BAIAP2L2: variants seen among roughly 807,000 people sequenced by gnomAD.
BAIAP2L2 encodes BAR/IMD domain-containing adapter protein 2-like 2.
In BAIAP2L2, 65 loss-of-function variants were observed where a neutral mutation model predicts 60.4. The ratio of observed to expected loss-of-function variants is 1.08; its 90% CI spans 0.88 to 1.32. The LOEUF (loss-of-function observed/expected upper bound fraction) is 1.32. Ranked by LOEUF, BAIAP2L2 falls within the 40% of genes most tolerant of loss-of-function variation. BAIAP2L2 has a pLI of 0.00. For synonymous variants in BAIAP2L2, 344 were observed against 301.7 expected (o/e 1.14, Z -1.45); for missense variants, 836 against 741.2 (o/e 1.13, Z -1.48).
intron 4 of BAIAP2L2, among the ~76,000 whole-genome samples, chr22:38,105,378 C>T (rs1479414921): frequency 6.9e-6 from 1 of 145,386 alleles, no homozygotes; most frequent in African/African-American, 2.6e-5. Context: ...GTCTCACCGT[C>T]ACCCAGGCTG....
chr22:38,110,557 T>C lies in BAIAP2L2; in HGVS notation c.-32A>G, dbSNP rs150863707. 4.0e-4 allele frequency: 638 copies of C among 1,581,916 alleles called. 2 individuals are homozygous for C. In the African/African-American group the frequency reaches 7.2e-3, roughly 18 times the overall value. ...GCTGTCCCGGGTCTGAGCAGGAGGC[T>C]GGGAGCTGGTGGCGATGGCACAGCC... On this transcript the variant is annotated 5_prime_UTR_variant, in exon 1 of 14. Transcript: ENST00000381669.
chr22:38,104,629 G>C (rs946582095), intron 4 of BAIAP2L2, among the ~76,000 whole-genome samples: 1 of 151,638 alleles, frequency 6.6e-6, no homozygotes, highest in African/African-American at 2.4e-5. Context: ...CCGAGTAGCT[G>C]GGACTACAGG....
chr22:38,090,659 C>T (rs2086276480), intron 7 of BAIAP2L2: 1 of 152,118 alleles, frequency 6.6e-6, no homozygotes, highest in African/African-American at 2.4e-5. Flanking sequence ...TCGCAATAGC[C>T]CTGGGTGGTA....
Position 38,094,825 on chromosome 22 carries a change from G to A in BAIAP2L2, c.612+2207C>T, listed in dbSNP as rs569033487. Among the ~76,000 whole-genome samples, 15 of 126,630 alleles carry A rather than the reference G, an allele frequency of 1.2e-4. No individual in the cohort carries two copies. In the East Asian group the frequency reaches 3.8e-3, roughly 32 times the overall value. 83.1% of individuals were successfully genotyped at this position (126,630 alleles called of 152,430 possible). On this transcript the variant is annotated intron_variant, in intron 7 of 13. Transcript: ENST00000381669. ...TCAGATCCAGAGACTCGGGGAGGGC[G>A]TGGGAGGCGTGGGAGGCGTGGGAGG...
chr22:38,089,458 G>C, intron 8 of BAIAP2L2, 64 bp downstream of exon 8: 1 of 971,128 alleles, frequency 1.0e-6, no homozygotes, highest in Non-Finnish European at 1.3e-6. Flanking sequence ...GGGGGCCTGA[G>C]GCCCCGGGCC....
chr22:38,109,632 C>T (rs576357483), intron 1 of BAIAP2L2, among the ~76,000 whole-genome samples: 15 of 152,276 alleles, frequency 9.9e-5, no homozygotes, highest in Middle Eastern at 3.4e-3. Context: ...CAGTCACCCC[C>T]GGGGCAAGGG....
chr22:38,110,088 A>AGAGG (rs757612646), intron 1 of BAIAP2L2, among the ~76,000 whole-genome samples: 1 of 28,988 alleles, frequency 3.4e-5, no homozygotes, highest in Non-Finnish European at 8.9e-5. Context: ...AGAGACAGAG[A>AGAGG]GAGAGAGAGA....
chr22:38,093,946 G>A (rs1362964312), intron 7 of BAIAP2L2: 6 of 456,466 alleles, frequency 1.3e-5, no homozygotes, highest in Non-Finnish European at 2.2e-5. Flanking sequence ...ACAACCAGGC[G>A]TCCATCAGCT....
intron 4 of BAIAP2L2, among the ~76,000 whole-genome samples, chr22:38,103,343 C>T (rs968770176): frequency 2.0e-5 from 3 of 152,144 alleles, no homozygotes; most frequent in Admixed American, 6.5e-5. Context: ...TCCATCTATG[C>T]GTTGCACAGC....
intron 6 of BAIAP2L2, 60 bp downstream of exon 6, chr22:38,098,003 T>TGCCCCC: frequency 7.0e-5 from 38 of 540,922 alleles, no homozygotes; most frequent in East Asian, 1.8e-4. Context: ...GGGCCCGGTC[T>TGCCCCC]CGCCCCGAGG....
intron 1 of BAIAP2L2, 45 bp downstream of exon 1, chr22:38,110,430 C>A: frequency 6.3e-7 from 1 of 1,592,622 alleles, no homozygotes; most frequent in African/African-American, 1.3e-5. Context: ...TTTCTGTGCC[C>A]TGGGAGGAGG....
rs138590349 is a variant in BAIAP2L2 at position 38,103,854 on chromosome 22, C to G, written c.276+3998G>C. Among the ~76,000 whole-genome samples the G allele has an allele frequency of 8.6e-3, 1,110 of 129,070 alleles. 9 individuals carry two copies. The highest frequency in any genetic ancestry group is 0.023 in the South Asian group (74 of 3,254). The allele number at this position is 129,070 out of a possible 152,430, so 84.7% of individuals were successfully genotyped here. On this transcript the variant is annotated intron_variant, in intron 4 of 13. Coordinates refer to ENST00000381669, the MANE Select transcript of BAIAP2L2 (RefSeq NM_025045.6). ...CTCCAGCCTCGGTGACAGGGTGAGA[C>G]TCCATGTCAAAAAAAAAAAAAAAAG... is the stretch of plus-strand genomic sequence containing the variant.
At chr22:38,086,686 C>T (rs1243438024) in intron 11 of BAIAP2L2, among the ~76,000 whole-genome samples, 1 of 152,076 alleles carries the variant, frequency 6.6e-6, no homozygotes, top group Non-Finnish European at 1.5e-5. Flanking sequence ...CTGAAGGGGG[C>T]TGGGCCCACT....
At chr22:38,089,473 C>T (rs1185518530) in intron 8 of BAIAP2L2, 49 bp downstream of exon 8, 1 of 1,095,200 alleles carries the variant, frequency 9.1e-7, no homozygotes, top group Non-Finnish European at 1.1e-6. Context: ...CGGGCCCCCG[C>T]GGGGGGCGGC....
chr22:38,088,611 G>C, intron 10 of BAIAP2L2, 137 bp downstream of exon 10: 1 of 826,868 alleles, frequency 1.2e-6, no homozygotes, highest in Non-Finnish European at 1.8e-6. Flanking sequence ...GCAGGGTGCG[G>C]GGGTCGGGAG....
chr22:38,088,711 T>TCGGGG, intron 10 of BAIAP2L2, 37 bp downstream of exon 10: 1 of 1,543,476 alleles, frequency 6.5e-7, no homozygotes, highest in Non-Finnish European at 8.7e-7. Flanking sequence ...GGCCTTCTTC[T>TCGGGG]CAACCCACCC....
intron 7 of BAIAP2L2, 139 bp downstream of exon 7, chr22:38,096,893 T>C (rs2086442841): frequency 2.9e-6 from 3 of 1,027,622 alleles, no homozygotes; most frequent in East Asian, 2.7e-5. Flanking sequence ...TGGATGGAGA[T>C]AGCAAAATAA....
chr22:38,103,579 A>C (rs6001002), intron 4 of BAIAP2L2, among the ~76,000 whole-genome samples: 73,992 of 152,064 alleles, frequency 0.49, 18,498 homozygotes, highest in South Asian at 0.65. Context: ...GAGGCTTCCA[A>C]TGGCCAGGTG....
intron 7 of BAIAP2L2, among the ~76,000 whole-genome samples, chr22:38,095,610 C>A (rs1232382936): frequency 6.6e-6 from 1 of 152,124 alleles, no homozygotes; most frequent in African/African-American, 2.4e-5. Context: ...AGCGATCCAC[C>A]CACCTCGCGC....
Sources: allele counts gnomAD v4.1 joint callset (sites outside exome capture counted in the v4.1 genomes callset), GRCh38; gene constraint gnomAD v4.1.1; transcripts MANE v1.5; gene names NCBI Gene and HGNC (gene_info 2026-07-23, HGNC 2026-07-21).